Variants in PXT1 observed in about 807,000 individuals in gnomAD.
PXT1 encodes peroxisomal testis enriched protein 1.
In PXT1, 11 loss-of-function variants were observed where a neutral mutation model predicts 11.0. The observed-to-expected ratio is 1.00, with a 90% CI of 0.63 to 1.66. The LOEUF is 1.66. Among genes scored for constraint, PXT1 ranks in the 40% most tolerant of loss-of-function variants. The probability of loss-of-function intolerance (pLI) is 0.00; values close to 1 mark genes in which losing one functional copy is unlikely to be tolerated. For missense variants in PXT1, 141 were observed against 155.5 expected, an observed-to-expected ratio of 0.91 and a Z score of 0.49; for synonymous variants, 43 against 51.4, an observed-to-expected ratio of 0.84 and a Z score of 0.70.
In PXT1 at chr6:36,400,543, G is replaced by C. The variant is rs1377416750; in HGVS notation, c.211C>G (p.Gln71Glu). The change falls in exon 4 of 5, where the codon CAG becomes GAG. Residue 71 changes from glutamine to glutamate, a missense_variant. By Grantham distance (29) the Gln-to-Glu change is conservative. Coordinates refer to ENST00000454782, the MANE Select transcript of PXT1 (RefSeq NM_152990.4). ...LSQPKEHSIVQKHHQEEIIHK... is the reference protein window; with the variant it reads ...LSQPKEHSIVEKHHQEEIIHK... ...ATTATTTCCTCCTGGTGATGCTTCT[G>C]AACAATGCTATGCTCCTTGGGCTGA... The C allele has an allele frequency of 6.2e-7, 1 of 1,613,866 alleles. No individual in the cohort carries two copies. Among genetic ancestry groups the C allele is most frequent in the Non-Finnish European group, 8.5e-7 (1 of 1,179,874 alleles).
chr6:36,413,824 C>T (rs530237984), intron 3 of PXT1, among the ~76,000 whole-genome samples: 4 of 152,126 alleles, frequency 2.6e-5, no homozygotes, highest in Non-Finnish European at 4.4e-5. Context: ...TAGTGAGACT[C>T]CCATCTGTAC....
chr6:36,427,472 T>C (rs1016146610), intron 2 of PXT1, among the ~76,000 whole-genome samples: 1 of 152,158 alleles, frequency 6.6e-6, no homozygotes, highest in Admixed American at 6.5e-5. Context: ...GCTAAGATAA[T>C]AGAGGTGGAC....
chr6:36,435,012 C>T (rs542172607), intron 2 of PXT1, among the ~76,000 whole-genome samples: 63 of 150,334 alleles, frequency 4.2e-4, no homozygotes, highest in Middle Eastern at 3.4e-3. Flanking sequence ...ACTCAATTGT[C>T]ACAGAAGACA....
At chr6:36,430,122 G>A (rs994941201) in intron 2 of PXT1, among the ~76,000 whole-genome samples, 1 of 151,818 alleles carries the variant, frequency 6.6e-6, no homozygotes, top group African/African-American at 2.4e-5. Flanking sequence ...CAGGAAAATT[G>A]CCTGAACCCG....
chr6:36,441,727 A>G (rs1774870501), intron 1 of PXT1, among the ~76,000 whole-genome samples: 1 of 152,228 alleles, frequency 6.6e-6, no homozygotes, highest in Admixed American at 6.5e-5. Context: ...ACGAGGGAGA[A>G]TAGAAATGGA....
intron 4 of PXT1, among the ~76,000 whole-genome samples, chr6:36,396,532 T>C (rs1166987922): frequency 6.6e-6 from 1 of 152,214 alleles, no homozygotes; most frequent in Non-Finnish European, 1.5e-5. Flanking sequence ...CGGAGGCAGA[T>C]TGATTCCTGG....
At chr6:36,395,135 T>C (rs1260618158) in intron 4 of PXT1, among the ~76,000 whole-genome samples, 4 of 152,116 alleles carry the variant, frequency 2.6e-5, no homozygotes, top group Non-Finnish European at 5.9e-5. Context: ...TAAAAGATGT[T>C]ATTTTGAGAA....
rs375289519 is a variant in PXT1, at chr6:36,410,544, GACAA to G, written c.170-9964_170-9961del. 3.6e-3 allele frequency among the ~76,000 whole-genome samples: 537 copies of G among 151,196 alleles called. 2 individuals carry two copies. Among genetic ancestry groups the G allele is most frequent in the African/African-American group, 0.012 (497 of 41,216 alleles). ...AAAGAGAAGGGAGAAGGGAGGGAAA[GACAA>G]ACAGAAAGAAAAGGAAGAGAAGAAA... is the stretch of plus-strand genomic sequence containing the variant. On this transcript the variant is annotated intron_variant, in intron 3 of 4. Transcript: ENST00000454782.
At chr6:36,399,973 G>T (rs1774191622) in intron 4 of PXT1, among the ~76,000 whole-genome samples, 1 of 152,148 alleles carries the variant, frequency 6.6e-6, no homozygotes, top group Non-Finnish European at 1.5e-5. Context: ...TTTTTAAAAT[G>T]CCAGGTTCCC....
chr6:36,415,665 C>G (rs1458851808), intron 3 of PXT1, among the ~76,000 whole-genome samples: 1 of 152,038 alleles, frequency 6.6e-6, no homozygotes, highest in Non-Finnish European at 1.5e-5. Flanking sequence ...TTGGCAGTAG[C>G]TGGAGGAGGT....
intron 4 of PXT1, among the ~76,000 whole-genome samples, chr6:36,392,357 T>C (rs1050902205): frequency 2.4e-4 from 36 of 152,150 alleles, no homozygotes; most frequent in Admixed American, 1.1e-3. Context: ...GGTGAGCAAG[T>C]TTGCCTTGAG....
chr6:36,400,732 G>T, intron 3 of PXT1, 148 bp from the exon 4 acceptor site: 1 of 743,682 alleles, frequency 1.3e-6, no homozygotes, highest in Non-Finnish European at 2.1e-6. Context: ...ACTTTAGGAG[G>T]CCGAGGTGGG....
At chr6:36,395,054 G>C (rs778752688) in intron 4 of PXT1, among the ~76,000 whole-genome samples, 1 of 152,096 alleles carries the variant, frequency 6.6e-6, no homozygotes, top group East Asian at 1.9e-4. Flanking sequence ...TGTTGCCCAG[G>C]CTGGTCTCAA....
chr6:36,399,445 C>T (rs1774185962), intron 4 of PXT1, among the ~76,000 whole-genome samples: 1 of 152,214 alleles, frequency 6.6e-6, no homozygotes, highest in African/African-American at 2.4e-5. Flanking sequence ...CCGCACCTGG[C>T]CCCCTCTTGC....
At chr6:36,439,471 G>A (rs539338471) in intron 1 of PXT1, among the ~76,000 whole-genome samples, 1 of 151,584 alleles carries the variant, frequency 6.6e-6, no homozygotes, top group South Asian at 2.1e-4. Context: ...AAATTAGCTG[G>A]GCATAATGGC....
intron 3 of PXT1, 109 bp downstream of exon 3, chr6:36,425,805 A>AAACAAACAAACAAAAAAAAAAAT (rs1554154141): frequency 1.6e-5 from 5 of 321,510 alleles, no homozygotes; most frequent in African/African-American, 1.1e-4. Context: ...AAAAACAAAA[A>AAACAAACAAACAAAAAAAAAAAT]ATATATATAT....
chr6:36,398,738 C>T (rs1323766022), intron 4 of PXT1, among the ~76,000 whole-genome samples: 1 of 152,146 alleles, frequency 6.6e-6, no homozygotes, highest in African/African-American at 2.4e-5. Context: ...CTGCCTGGAA[C>T]ACTTTCCCAC....
intron 4 of PXT1, among the ~76,000 whole-genome samples, chr6:36,393,669 G>A (rs771764394): frequency 4.6e-5 from 7 of 151,872 alleles, no homozygotes; most frequent in East Asian, 1.9e-4. Flanking sequence ...CAGAGGTTGC[G>A]GTGACAACTT....
intron 4 of PXT1, among the ~76,000 whole-genome samples, chr6:36,399,603 T>C (rs968990489): frequency 6.6e-6 from 1 of 152,202 alleles, no homozygotes; most frequent in East Asian, 1.9e-4. Flanking sequence ...GAGGACAGCA[T>C]GGTGGAAGCT....
Sources: gnomAD v4.1 joint callset for allele counts (sites outside exome capture counted in the v4.1 genomes callset) on GRCh38, gnomAD v4.1.1 for gene constraint, MANE v1.5 for transcripts, NCBI Gene and HGNC (gene_info 2026-07-23, HGNC 2026-07-21) for gene names.